Variants in WASF3 observed in about 807,000 individuals in gnomAD.
WASF3 encodes the protein actin-binding protein WASF3.
A neutral mutation model predicts 46.6 loss-of-function variants in WASF3; 11 were observed. The ratio of observed to expected loss-of-function variants is 0.24; its 90% CI spans 0.15 to 0.39. WASF3 has a LOEUF of 0.39. WASF3 is among the 10% of genes least tolerant of loss of function. The pLI, the probability that WASF3 is intolerant of heterozygous loss-of-function variation, is 1.00. For synonymous variants in WASF3, 242 were observed against 259.7 expected, an observed-to-expected ratio of 0.93 and a Z score of 0.65; for missense variants, 576 against 669.8, an observed-to-expected ratio of 0.86 and a Z score of 1.55.
rs991691659 is a variant in WASF3 at position 26,661,029 on chromosome 13, C to A, written c.134-3999C>A. Among the ~76,000 whole-genome samples, 3 of 152,264 alleles carry A rather than the reference C, an allele frequency of 2.0e-5. No homozygotes were observed. In the South Asian group the frequency reaches 6.2e-4, roughly 32 times the overall value. On this transcript the variant is annotated intron_variant, in intron 3 of 9. Transcript: ENST00000335327. ...CCAGCTCTCACAGGAACTACTAGAG[C>A]AAAAACTCGCTCACCCAGGGAGGGC... is the stretch of plus-strand genomic sequence containing the variant.
intron 3 of WASF3, among the ~76,000 whole-genome samples, chr13:26,650,911 C>T (rs978620325): frequency 2.0e-5 from 3 of 152,054 alleles, no homozygotes; most frequent in African/African-American, 7.2e-5. Context: ...TCGTCTGACA[C>T]ATACGTAATT....
chr13:26,595,050 A>G (rs945859473), intron 1 of WASF3, among the ~76,000 whole-genome samples: 16 of 152,164 alleles, frequency 1.1e-4, no homozygotes, highest in Non-Finnish European at 2.4e-4. Context: ...GCTAATATTT[A>G]TGTGTATGTT....
intron 1 of WASF3, among the ~76,000 whole-genome samples, chr13:26,559,887 G>A (rs1231771979): frequency 7.6e-6 from 1 of 131,820 alleles, no homozygotes; most frequent in East Asian, 2.3e-4. Context: ...GTGTGATCTC[G>A]GCTCACTGCA....
intron 2 of WASF3, among the ~76,000 whole-genome samples, chr13:26,618,091 G>A (rs957109300): frequency 6.6e-6 from 1 of 152,062 alleles, no homozygotes; most frequent in Non-Finnish European, 1.5e-5. Flanking sequence ...GAAAACAGAC[G>A]AATATGAAGT....
intron 2 of WASF3, among the ~76,000 whole-genome samples, chr13:26,620,180 T>C (rs1172822893): frequency 1.3e-5 from 2 of 152,134 alleles, no homozygotes; most frequent in Non-Finnish European, 2.9e-5. Context: ...GTAGCTGATT[T>C]TGTCTGGCTG....
At chr13:26,558,751 A>G (rs1397386514) in intron 1 of WASF3, among the ~76,000 whole-genome samples, 5 of 152,210 alleles carry the variant, frequency 3.3e-5, no homozygotes, top group Non-Finnish European at 7.3e-5. Context: ...ACTTCCAGCA[A>G]CAGTCTCGAG....
At chr13:26,655,921 A>C (rs754341122) in intron 3 of WASF3, among the ~76,000 whole-genome samples, 1 of 152,132 alleles carries the variant, frequency 6.6e-6, no homozygotes, top group Non-Finnish European at 1.5e-5. Context: ...ACAGCAATAC[A>C]TTCTAGGTTC....
At chr13:26,667,158 G>T (rs1159820626) in intron 4 of WASF3, among the ~76,000 whole-genome samples, 1 of 152,060 alleles carries the variant, frequency 6.6e-6, no homozygotes, top group Non-Finnish European at 1.5e-5. Flanking sequence ...TTGTTTGAAC[G>T]GTGTTTTCCT....
At chr13:26,574,461 T>A (rs765597226) in intron 1 of WASF3, among the ~76,000 whole-genome samples, 1 of 151,810 alleles carries the variant, frequency 6.6e-6, no homozygotes, top group Non-Finnish European at 1.5e-5. Flanking sequence ...AACTTTTGTC[T>A]TGATTTTTTT....
intron 2 of WASF3, among the ~76,000 whole-genome samples, chr13:26,631,167 C>T (rs1881639375): frequency 6.6e-6 from 1 of 152,152 alleles, no homozygotes; most frequent in Non-Finnish European, 1.5e-5. Flanking sequence ...AATTAGATCC[C>T]ATTTGTTTAT....
At chr13:26,575,130 T>C (rs1019936094) in intron 1 of WASF3, among the ~76,000 whole-genome samples, 1 of 152,142 alleles carries the variant, frequency 6.6e-6, no homozygotes, top group Non-Finnish European at 1.5e-5. Flanking sequence ...GCCACCGTGC[T>C]TGGCCAACCC....
chr13:26,683,366 CTCAGGAGGCTGAGG>C (rs1253202937), intron 9 of WASF3, among the ~76,000 whole-genome samples: 1 of 151,950 alleles, frequency 6.6e-6, no homozygotes, highest in Non-Finnish European at 1.5e-5. Flanking sequence ...GTCCCAGCTA[CTCAGGAGGCTGAGG>C]TGGGAGGATT....
intron 1 of WASF3, among the ~76,000 whole-genome samples, chr13:26,608,632 GC>G (rs1371612849): frequency 6.6e-6 from 1 of 152,108 alleles, no homozygotes. Flanking sequence ...GTATGGTGGG[GC>G]CAGCTAAAAT....
intron 2 of WASF3, among the ~76,000 whole-genome samples, chr13:26,635,706 A>C (rs1462994692): frequency 1.3e-5 from 2 of 152,186 alleles, no homozygotes; most frequent in Non-Finnish European, 2.9e-5. Context: ...TGTTGATGCT[A>C]TTCCTTTCTG....
upstream of WASF3, among the ~76,000 whole-genome samples, chr13:26,555,893 G>A (rs573037038): frequency 8.3e-4 from 127 of 152,234 alleles, no homozygotes; most frequent in Middle Eastern, 0.01. Context: ...ACTTATTAGC[G>A]GTGGGCTCTA....
At chr13:26,575,601 G>A (rs1190415132) in intron 1 of WASF3, among the ~76,000 whole-genome samples, 1 of 152,184 alleles carries the variant, frequency 6.6e-6, no homozygotes, top group Non-Finnish European at 1.5e-5. Context: ...GAACCCTCAG[G>A]AAAGATACAT....
At chr13:26,620,579 A>G (rs975719269) in intron 2 of WASF3, 8 of 152,164 alleles carry the variant, frequency 5.3e-5, no homozygotes, top group African/African-American at 1.7e-4. Context: ...GTCCATGGCT[A>G]GAAGAGAAAG....
intron 1 of WASF3, among the ~76,000 whole-genome samples, chr13:26,573,962 T>G (rs1879713987): frequency 6.6e-6 from 1 of 152,226 alleles, no homozygotes; most frequent in African/African-American, 2.4e-5. Flanking sequence ...TTTGTTAAAT[T>G]CATCTGTTAT....
intron 3 of WASF3, among the ~76,000 whole-genome samples, chr13:26,648,279 G>A (rs1005894110): frequency 2.0e-5 from 3 of 152,112 alleles, no homozygotes; most frequent in African/African-American, 7.2e-5. Context: ...TAATTTTCAT[G>A]TGTGGAGTAA....
Sources: allele counts gnomAD v4.1 joint callset (sites outside exome capture counted in the v4.1 genomes callset), GRCh38; gene constraint gnomAD v4.1.1; transcripts MANE v1.5; gene names NCBI Gene and HGNC (gene_info 2026-07-23, HGNC 2026-07-21).